The following GRIN3A variants were observed in gnomAD, a reference collection of about 807,000 sequenced individuals.
GRIN3A encodes the protein glutamate ionotropic receptor NMDA type subunit 3A.
In GRIN3A, 47 loss-of-function variants were observed where a neutral mutation model predicts 92.4. The observed-to-expected ratio is 0.51, with a 90% CI of 0.40 to 0.65. GRIN3A has a LOEUF of 0.65. GRIN3A is among the 30% of genes least tolerant of loss of function. GRIN3A has a pLI of 0.00. For missense variants in GRIN3A, 1,324 were observed against 1,393.1 expected (o/e 0.95, Z 0.79); for synonymous variants, 527 against 540.6 (o/e 0.97, Z 0.35).
intron 3 of GRIN3A, among the ~76,000 whole-genome samples, chr9:101,632,952 A>G (rs776217524): frequency 4.6e-5 from 7 of 152,196 alleles, no homozygotes; most frequent in Non-Finnish European, 5.9e-5. Context: ...TTCTGTTTAT[A>G]TTTGCATCAA....
chr9:101,617,522 T>C (rs1296198749), intron 5 of GRIN3A, among the ~76,000 whole-genome samples: 3 of 152,338 alleles, frequency 2.0e-5, no homozygotes, highest in Admixed American at 6.5e-5. Context: ...CGATCATGTC[T>C]AGGTTAATTT....
At chr9:101,721,179 G>C (rs953538880) in intron 1 of GRIN3A, among the ~76,000 whole-genome samples, 3 of 152,158 alleles carry the variant, frequency 2.0e-5, no homozygotes, top group Non-Finnish European at 4.4e-5. Flanking sequence ...TTGAATCATG[G>C]GGGCCAGTTT....
Position 101,613,365 on chromosome 9 carries a change from T to C in GRIN3A, c.2766+11A>G, listed in dbSNP as rs995184761. The C allele has an allele frequency of 7.4e-6, 12 of 1,614,112 alleles. No homozygotes were observed. Among genetic ancestry groups the C allele is most frequent in the Non-Finnish European group, 8.5e-6 (10 of 1,179,968 alleles). On this transcript the variant is annotated intron_variant, in intron 6 of 8. Coordinates refer to ENST00000361820, the MANE Select transcript of GRIN3A (RefSeq NM_133445.3). ...TACAACGTGTCACCATTTTCAACAGTCTTTCCATACCTCCGTGACAGCAAA... is the reference window on the plus strand; with the variant it reads ...TACAACGTGTCACCATTTTCAACAGCCTTTCCATACCTCCGTGACAGCAAA...
chr9:101,639,025 T>A (rs1160778682), intron 3 of GRIN3A, among the ~76,000 whole-genome samples: 1 of 152,178 alleles, frequency 6.6e-6, no homozygotes. Flanking sequence ...AGCCTTCCTA[T>A]GCCCTACGAG....
rs1313490047 is a variant in GRIN3A at position 101,696,513 on chromosome 9, T to G, written c.700-9313A>C. ...GATGTTGCTCTAGGACTGATTTTAG[T>G]TCCTAATTCACCACCTTGGTTTTGG... On this transcript the variant is annotated intron_variant, in intron 1 of 8. Coordinates refer to ENST00000361820, the MANE Select transcript of GRIN3A (RefSeq NM_133445.3). 2.7e-5 allele frequency among the ~76,000 whole-genome samples: 4 copies of G among 150,412 alleles called. No individual in the cohort carries two copies. In the Admixed American group the frequency reaches 2.7e-4, roughly 10 times the overall value.
At chr9:101,687,539 GTATT>G (rs1829554883) in intron 1 of GRIN3A, among the ~76,000 whole-genome samples, 1 of 152,108 alleles carries the variant, frequency 6.6e-6, no homozygotes, top group East Asian at 1.9e-4. Flanking sequence ...CCATTTCTTG[GTATT>G]GCTATTAAGA....
chr9:101,616,947 T>C (rs1011736536), intron 5 of GRIN3A, among the ~76,000 whole-genome samples: 2 of 144,832 alleles, frequency 1.4e-5, no homozygotes, highest in African/African-American at 5.1e-5. Context: ...ACGCCAGTAA[T>C]CTCGGCACTT....
chr9:101,707,091 T>A (rs1039847515), intron 1 of GRIN3A, among the ~76,000 whole-genome samples: 2 of 152,106 alleles, frequency 1.3e-5, no homozygotes, highest in Non-Finnish European at 2.9e-5. Flanking sequence ...CCCAGGAGAG[T>A]AAACAATCAT....
chr9:101,644,454 G>C (rs1828907817), intron 3 of GRIN3A, among the ~76,000 whole-genome samples: 1 of 116,090 alleles, frequency 8.6e-6, no homozygotes, highest in South Asian at 2.8e-4. Flanking sequence ...AATTACATTA[G>C]TCACTCAAAA....
intron 1 of GRIN3A, among the ~76,000 whole-genome samples, chr9:101,730,330 A>G (rs1272217023): frequency 1.3e-5 from 2 of 152,182 alleles, no homozygotes; most frequent in Non-Finnish European, 2.9e-5. Flanking sequence ...ATAATAAGGT[A>G]GAATATTTGA....
chr9:101,697,597 T>C (rs1588287898), intron 1 of GRIN3A, among the ~76,000 whole-genome samples: 1 of 152,190 alleles, frequency 6.6e-6, no homozygotes, highest in African/African-American at 2.4e-5. Flanking sequence ...AACTCACTTG[T>C]CAAATCATTG....
intron 1 of GRIN3A, among the ~76,000 whole-genome samples, chr9:101,702,713 G>T (rs529835084): frequency 6.6e-6 from 1 of 152,166 alleles, no homozygotes; most frequent in Non-Finnish European, 1.5e-5. Flanking sequence ...CTTTAGGGTT[G>T]CTGTTAGGCA....
At chr9:101,643,545 C>T (rs1011528446) in intron 3 of GRIN3A, among the ~76,000 whole-genome samples, 6 of 152,024 alleles carry the variant, frequency 3.9e-5, no homozygotes, top group African/African-American at 1.4e-4. Flanking sequence ...ACTTCCACTC[C>T]TGGGTATATA....
At chr9:101,639,759 C>T (rs1828832327) in intron 3 of GRIN3A, among the ~76,000 whole-genome samples, 1 of 152,060 alleles carries the variant, frequency 6.6e-6, no homozygotes, top group Non-Finnish European at 1.5e-5. Flanking sequence ...TCAAGATGGG[C>T]TGGGTACAAA....
intron 1 of GRIN3A, among the ~76,000 whole-genome samples, chr9:101,716,989 T>C (rs951342112): frequency 6.6e-6 from 1 of 151,988 alleles, no homozygotes; most frequent in Admixed American, 6.5e-5. Context: ...TGACATACGA[T>C]ATCACTACTC....
chr9:101,720,285 T>C (rs1468461420), intron 1 of GRIN3A, among the ~76,000 whole-genome samples: 1 of 152,258 alleles, frequency 6.6e-6, no homozygotes, highest in Admixed American at 6.5e-5. Context: ...AATTTGAATT[T>C]ATAAAGTGCT....
chr9:101,734,940 A>G (rs186683834), intron 1 of GRIN3A, among the ~76,000 whole-genome samples: 78 of 151,930 alleles, frequency 5.1e-4, no homozygotes, highest in African/African-American at 1.8e-3. Flanking sequence ...TAATGTGTAA[A>G]ATGAGTTTGA....
Position 101,737,763 on chromosome 9 carries a change from G to C in GRIN3A, c.217C>G (p.Arg73Gly), listed in dbSNP as rs111453919. 35 of 1,528,966 alleles carry C rather than the reference G, an allele frequency of 2.3e-5. No homozygotes were observed. Among genetic ancestry groups the C allele is most frequent in the Non-Finnish European group, 2.7e-5 (31 of 1,144,018 alleles). The allele number at this position is 1,528,966 out of a possible 1,614,324, so 94.7% of individuals were successfully genotyped here. A position where few individuals can be genotyped will look rare whatever the true frequency, so the allele number is the denominator to read the frequency against. ...GGCTCATCCCTCTGGGCTCCTGCTC[G>C]GCTGTCGTCCGGAGCGCGGCTGGCC... ...RAASRAPDDS[R>G]AGAQRDEPEP... Residue 73 changes from arginine (R) to glycine (G), a missense_variant, in exon 1 of 9, where the codon CGA (arginine) becomes GGA (glycine). Arg to Gly is a moderately radical substitution (Grantham distance 125). Coordinates refer to ENST00000361820, the MANE Select transcript of GRIN3A (RefSeq NM_133445.3).
intron 1 of GRIN3A, among the ~76,000 whole-genome samples, chr9:101,705,884 G>C (rs959440578): frequency 2.0e-5 from 3 of 152,140 alleles, no homozygotes; most frequent in Non-Finnish European, 4.4e-5. Context: ...CCATTGTGCA[G>C]AGGAAGAAAC....
Sources: gnomAD v4.1 joint callset for allele counts (sites outside exome capture counted in the v4.1 genomes callset) on GRCh38, gnomAD v4.1.1 for gene constraint, MANE v1.5 for transcripts, NCBI Gene and HGNC (gene_info 2026-07-23, HGNC 2026-07-21) for gene names.